ICE1: variants seen among roughly 807,000 people sequenced by gnomAD.
ICE1 encodes interactor of little elongation complex ELL subunit 1.
In ICE1, 64 loss-of-function variants were observed where a neutral mutation model predicts 192.7. The observed-to-expected ratio is 0.33, with a 90% CI of 0.27 to 0.41. The LOEUF (loss-of-function observed/expected upper bound fraction) is 0.41, where lower values mean the gene tolerates loss of function less well. Among genes scored for constraint, ICE1 ranks in the 10% least tolerant of loss-of-function variants. The probability of loss-of-function intolerance (pLI) is 1.00; values close to 1 mark genes in which losing one functional copy is unlikely to be tolerated. For missense variants in ICE1, 2,708 were observed against 2,696.0 expected (o/e 1.00, Z -0.10); for synonymous variants, 1,010 against 984.5 (o/e 1.03, Z -0.49).
chr5:5,462,691 G>T lies in ICE1; in HGVS notation c.3357G>T (p.Gly1119=). The change falls in exon 13 of 19, where the codon GGG becomes GGT. Residue 1119 remains glycine, a synonymous_variant. Transcript: ENST00000296564. ...GTGAGGCATTTAGCTGCAGTGAGGG[G>T]AGCGAACAGCAAGATGCTCCTGATG... is the stretch of plus-strand genomic sequence containing the variant. ...VESEAFSCSE[G]SEQQDAPDDS... is the part of the protein sequence containing the mutation. The T allele has an allele frequency of 6.2e-7, 1 of 1,613,918 alleles. No homozygotes were observed. Among genetic ancestry groups the T allele is most frequent in the African/African-American group, 1.3e-5 (1 of 75,034 alleles).
chr5:5,447,629 G>C (rs920479068), intron 8 of ICE1, 92 bp from the exon 9 acceptor site: 1 of 1,380,630 alleles, frequency 7.2e-7, no homozygotes, highest in Non-Finnish European at 1.0e-6. Flanking sequence ...AACAGTCCCA[G>C]CTGCCTGTTA....
chr5:5,486,106 C>G (rs530243053), intron 17 of ICE1, among the ~76,000 whole-genome samples: 1 of 152,336 alleles, frequency 6.6e-6, no homozygotes, highest in East Asian at 1.9e-4. Context: ...CCGTCTACAG[C>G]ATGTTACAGA....
intron 7 of ICE1, among the ~76,000 whole-genome samples, chr5:5,445,355 CTT>C (rs1338595600): frequency 1.3e-5 from 2 of 152,078 alleles, no homozygotes; most frequent in South Asian, 2.1e-4. Flanking sequence ...ATTGGTGTCT[CTT>C]GTAAGAATAT....
rs1739688904 is a variant in ICE1 at position 5,488,552 on chromosome 5, T to C, written c.6620-597T>C. Among the ~76,000 whole-genome samples, 9 of 152,312 alleles carry C rather than the reference T, an allele frequency of 5.9e-5. No individual in the cohort carries two copies. In the South Asian group the frequency reaches 1.9e-3, roughly 32 times the overall value. ...AATTGTTTAACCTAAATTATCTAAG[T>C]AAATGAAATTTTCATAACTCTGAAA... is the stretch of plus-strand genomic sequence containing the variant. On this transcript the variant is annotated intron_variant, in intron 18 of 18. Coordinates refer to ENST00000296564, the MANE Select transcript of ICE1 (RefSeq NM_015325.3).
At position 5,463,499 on chromosome 5, in the gene ICE1, G is replaced by A. The variant is rs746004062; in HGVS notation, c.4165G>A (p.Glu1389Lys). ...ATCCATAGAGCAAAGTTCTAACTGC[G>A]AGGCCGAAACAACATTTCAGTGTCA... ...EPSIEQSSNCEAETTFQCQIA... is the reference protein window; with the variant it reads ...EPSIEQSSNCKAETTFQCQIA... The change falls in exon 13 of 19, where the codon GAG (glutamate) becomes AAG (lysine). Residue 1389 changes from glutamate (E) to lysine (K), a missense_variant. Transcript: ENST00000296564. 34 of 1,613,138 alleles carry A rather than the reference G, an allele frequency of 2.1e-5. No homozygotes were observed. The highest frequency in any genetic ancestry group is 4.5e-5 in the East Asian group (2 of 44,870).
rs775937526 is a variant in ICE1, at chr5:5,465,185, C to G, written c.5851C>G (p.Gln1951Glu). 39 of 1,597,308 alleles carry G rather than the reference C, an allele frequency of 2.4e-5. No individual in the cohort carries two copies. Among genetic ancestry groups the G allele is most frequent in the South Asian group, 3.4e-5 (3 of 88,318 alleles). ...NISKKPVMRD[Q>E]EKEVVYEFST... is the part of the protein sequence containing the mutation. Reference sequence around the variant, plus strand: ...CTCCAAAAAGCCCGTAATGAGAGATCAAGAGAAGGAAGTTGTTTATGAATT... The same window carrying G: ...CTCCAAAAAGCCCGTAATGAGAGATGAAGAGAAGGAAGTTGTTTATGAATT... Residue 1951 changes from glutamine to glutamate, a missense_variant, in exon 13 of 19, where the codon CAA (glutamine) becomes GAA (glutamate). This residue lies in a region of ICE1 where 342 missense variants were observed against 419.3 expected (regional missense o/e 0.82). Coordinates refer to ENST00000296564, the MANE Select transcript of ICE1 (RefSeq NM_015325.3).
intron 17 of ICE1, among the ~76,000 whole-genome samples, chr5:5,478,637 C>T (rs1222172524): frequency 6.6e-6 from 1 of 152,152 alleles, no homozygotes; most frequent in African/African-American, 2.4e-5. Flanking sequence ...ACCCATATAG[C>T]CAACACAGTT....
At chr5:5,471,406 G>C (rs754546795) in intron 15 of ICE1, among the ~76,000 whole-genome samples, 15 of 152,128 alleles carry the variant, frequency 9.9e-5, no homozygotes, top group Non-Finnish European at 1.3e-4. Context: ...AAAGAACCAA[G>C]TAACTATAAT....
At chr5:5,448,666 T>TC (rs1738321077) in intron 10 of ICE1, among the ~76,000 whole-genome samples, 1 of 152,256 alleles carries the variant, frequency 6.6e-6, no homozygotes, top group African/African-American at 2.4e-5. Flanking sequence ...GTTATTTTTT[T>TC]CTCCAAGTGG....
chr5:5,445,735 A>T (rs1738198492), intron 7 of ICE1, among the ~76,000 whole-genome samples: 1 of 144,944 alleles, frequency 6.9e-6, no homozygotes. Context: ...TTAAAAAAGA[A>T]TTTTTTTTTT....
rs774878742 is a variant in ICE1, at chr5:5,464,989, G to C, written c.5655G>C (p.Glu1885Asp). Reference protein sequence around the residue: ...LPPAEVATTNEERSCSSPAVS... With the variant: ...LPPAEVATTNDERSCSSPAVS... ...CAGCTGAAGTTGCAACAACAAATGA[G>C]GAAAGAAGTTGTTCTAGTCCAGCCG... is the stretch of plus-strand genomic sequence containing the variant. Residue 1885 changes from glutamate to aspartate, a missense_variant, in exon 13 of 19, where the codon GAG (glutamate) becomes GAC (aspartate). Glu to Asp is a conservative substitution (Grantham distance 45). Coordinates refer to ENST00000296564, the MANE Select transcript of ICE1 (RefSeq NM_015325.3). This position sits in a 1 kb window ranked among gnomAD's most constrained non-coding sequence, Gnocchi z 4.0. 7.4e-6 allele frequency: 12 copies of C among 1,613,764 alleles called. No homozygotes were observed. The highest frequency in any genetic ancestry group is 2.2e-5 in the South Asian group (2 of 91,044).
chr5:5,453,989 T>TAA (rs1170437856), intron 10 of ICE1, among the ~76,000 whole-genome samples: 12 of 152,318 alleles, frequency 7.9e-5, no homozygotes, highest in African/African-American at 2.9e-4. Context: ...CATATGTTCA[T>TAA]ACGCACACAT....
At chr5:5,487,600 A>C (rs1425071658) in intron 18 of ICE1, among the ~76,000 whole-genome samples, 1 of 152,206 alleles carries the variant, frequency 6.6e-6, no homozygotes, top group East Asian at 1.9e-4. Flanking sequence ...CTTTAACTTT[A>C]GGATAGCTGC....
In ICE1 at chr5:5,435,635, G is replaced by A. The variant is rs144984075; in HGVS notation, c.85-783G>A. On this transcript the variant is annotated intron_variant, in intron 1 of 18. Transcript: ENST00000296564. The stretch of plus-strand genomic sequence containing the variant: ...ATGTTTTTCCTTTTGGGTTGATAGC[G>A]GTAATTTAGAGCCAAATTTGTGTTT... Among the ~76,000 whole-genome samples, 475 of 150,780 alleles carry A rather than the reference G, an allele frequency of 3.2e-3. 2 individuals are homozygous for A. The highest frequency in any genetic ancestry group is 0.011 in the African/African-American group (447 of 41,032).
At chr5:5,477,776 T>C (rs1025067791) in intron 17 of ICE1, among the ~76,000 whole-genome samples, 5 of 152,154 alleles carry the variant, frequency 3.3e-5, no homozygotes, top group African/African-American at 7.2e-5. Context: ...ATCAAAAACT[T>C]ATCCACCACG....
chr5:5,438,509 C>T (rs985392568), intron 3 of ICE1, among the ~76,000 whole-genome samples: 1 of 152,170 alleles, frequency 6.6e-6, no homozygotes, highest in Non-Finnish European at 1.5e-5. Flanking sequence ...TTTAACTATA[C>T]GTGCATATTA....
intron 17 of ICE1, among the ~76,000 whole-genome samples, chr5:5,479,966 T>A (rs980477532): frequency 6.6e-6 from 1 of 152,088 alleles, no homozygotes; most frequent in African/African-American, 2.4e-5. Flanking sequence ...GGGAGAGCAT[T>A]AGGACAAATA....
intron 15 of ICE1, among the ~76,000 whole-genome samples, chr5:5,470,996 A>G (rs1343498975): frequency 6.6e-6 from 1 of 152,228 alleles, no homozygotes; most frequent in Non-Finnish European, 1.5e-5. Flanking sequence ...CTCATCTTCA[A>G]CATTAGAAAT....
chr5:5,450,731 A>T (rs983406643), intron 10 of ICE1, among the ~76,000 whole-genome samples: 2 of 152,244 alleles, frequency 1.3e-5, no homozygotes, highest in African/African-American at 4.8e-5. Flanking sequence ...AAGGTAAAAA[A>T]TAATAAAAGC....
Sources: allele counts gnomAD v4.1 joint callset (sites outside exome capture counted in the v4.1 genomes callset), GRCh38; gene constraint gnomAD v4.1.1; regional missense constraint gnomAD v4.1.1; non-coding constraint Gnocchi (gnomAD v3.1); transcripts MANE v1.5; gene names NCBI Gene and HGNC (gene_info 2026-07-23, HGNC 2026-07-21).